The following IPO7 variants were observed in gnomAD, a reference collection of about 807,000 sequenced individuals.
IPO7 encodes the protein importin-7.
Under a neutral mutation model 136.4 loss-of-function variants are expected in IPO7, and 13 were observed. The ratio of observed to expected loss-of-function variants is 0.10; its 90% CI spans 0.06 to 0.15. The LOEUF (loss-of-function observed/expected upper bound fraction) is 0.15, where lower values mean the gene tolerates loss of function less well. Ranked by LOEUF, IPO7 falls within the 10% of genes least tolerant of loss-of-function variation. The pLI, the probability that IPO7 is intolerant of heterozygous loss-of-function variation, is 1.00. For missense variants in IPO7, 857 were observed against 1,240.6 expected, an observed-to-expected ratio of 0.69 and a Z score of 4.65; for synonymous variants, 403 against 404.4, an observed-to-expected ratio of 1.00 and a Z score of 0.04.
At chr11:9,412,877 TTTGA>T (rs1241566975) in intron 4 of IPO7, among the ~76,000 whole-genome samples, 3 of 151,156 alleles carry the variant, frequency 2.0e-5, no homozygotes, top group Non-Finnish European at 4.4e-5. Context: ...TACAAATTTG[TTTGA>T]TTGATTGATT....
Position 9,403,564 on chromosome 11 carries a change from T to C in IPO7, c.166+193T>C, listed in dbSNP as rs931874933. On this transcript the variant is annotated intron_variant, in intron 2 of 24. Coordinates refer to ENST00000379719, the MANE Select transcript of IPO7 (RefSeq NM_006391.3). ...GAGTTTAAAGGAATAATTTGACATTTAGTTGAATTAAAATAGAAGCTTCAA... is the reference window on the plus strand; with the variant it reads ...GAGTTTAAAGGAATAATTTGACATTCAGTTGAATTAAAATAGAAGCTTCAA... 3 of 516,724 alleles carry C rather than the reference T, an allele frequency of 5.8e-6. No individual in the cohort carries two copies. In the African/African-American group the frequency reaches 5.9e-5, roughly 10 times the overall value. The allele number at this position is 516,724 out of a possible 1,614,324, so 32.0% of individuals were successfully genotyped here. A position where few individuals can be genotyped will look rare whatever the true frequency, so the allele number is the denominator to read the frequency against.
At chr11:9,428,126 A>G (rs1165044119) in intron 12 of IPO7, among the ~76,000 whole-genome samples, 1 of 152,190 alleles carries the variant, frequency 6.6e-6, no homozygotes, top group Non-Finnish European at 1.5e-5. Context: ...TCTCAAAAAA[A>G]AAGAAAAAAA....
chr11:9,417,059 T>C lies in IPO7; in HGVS notation c.637T>C (p.Tyr213His). 1 of 1,422,074 alleles carries C rather than the reference T, an allele frequency of 7.0e-7. No homozygotes were observed. The highest frequency in any genetic ancestry group is 9.9e-7 in the Non-Finnish European group (1 of 1,014,746). The allele number at this position is 1,422,074 out of a possible 1,614,324, so 88.1% of individuals were successfully genotyped here. A position where few individuals can be genotyped will look rare whatever the true frequency, so the allele number is the denominator to read the frequency against. Residue 213 changes from tyrosine (Y) to histidine (H), a missense_variant and splice_region_variant, in exon 6 of 25, where the codon TAT (tyrosine) becomes CAT (histidine). Coordinates refer to ENST00000379719, the MANE Select transcript of IPO7 (RefSeq NM_006391.3). ...IFKIFYALVQ[Y>H]TLPLELINQQ... Reference sequence around the variant, plus strand: ...ATATTAATTCTTGACTTTTATTTAGTATACACTACCACTGGAACTGATAAA... The same window carrying C: ...ATATTAATTCTTGACTTTTATTTAGCATACACTACCACTGGAACTGATAAA...
intron 22 of IPO7, among the ~76,000 whole-genome samples, chr11:9,438,566 AG>A (rs1285591815): frequency 2.0e-5 from 3 of 152,122 alleles, no homozygotes; most frequent in Admixed American, 1.3e-4. Flanking sequence ...CGGAGGTTGC[AG>A]TGAGCCAAGA....
At chr11:9,400,579 C>T (rs1178762694) in intron 1 of IPO7, among the ~76,000 whole-genome samples, 1 of 152,068 alleles carries the variant, frequency 6.6e-6, no homozygotes, top group Non-Finnish European at 1.5e-5. Context: ...CCTGCCACCT[C>T]ACCTGGCTAA....
intron 1 of IPO7, among the ~76,000 whole-genome samples, chr11:9,398,166 A>G (rs113132536): frequency 6.6e-6 from 1 of 152,212 alleles, no homozygotes; most frequent in Non-Finnish European, 1.5e-5. Flanking sequence ...AGGCAATCAC[A>G]TCTTCCAAGG....
chr11:9,436,430 T>C (rs1855369526), intron 20 of IPO7, 64 bp downstream of exon 20: 1 of 1,167,696 alleles, frequency 8.6e-7, no homozygotes, highest in Admixed American at 2.2e-5. Context: ...CTTTCTTTCT[T>C]CATTTTTTGG....
At chr11:9,442,763 C>T (rs1855476450) in intron 24 of IPO7, among the ~76,000 whole-genome samples, 2 of 151,838 alleles carry the variant, frequency 1.3e-5, no homozygotes, top group Admixed American at 1.3e-4. Context: ...TGGCTCATGC[C>T]TGTAATTCCA....
intron 1 of IPO7, among the ~76,000 whole-genome samples, chr11:9,400,154 A>C (rs562628209): frequency 6.6e-6 from 1 of 152,304 alleles, no homozygotes; most frequent in Admixed American, 6.5e-5. Flanking sequence ...TACTTATATT[A>C]AGTACTGTTT....
chr11:9,428,914 A>G (rs763969542), intron 13 of IPO7, 117 bp from the exon 14 acceptor site: 2 of 896,594 alleles, frequency 2.2e-6, no homozygotes, highest in South Asian at 2.6e-5. Flanking sequence ...TTGTCTCTGG[A>G]CACATCTACC....
chr11:9,405,670 T>C (rs1854871960), intron 2 of IPO7, among the ~76,000 whole-genome samples: 1 of 151,422 alleles, frequency 6.6e-6, no homozygotes. Flanking sequence ...TGATCTGCCT[T>C]CCTGGGCCTT....
At position 9,423,001 on chromosome 11, in the gene IPO7, C is replaced by T. The variant is rs1044537428; in HGVS notation, c.907-5C>T. On this transcript the variant is annotated splice_region_variant and splice_polypyrimidine_tract_variant and intron_variant, in intron 8 of 24. Transcript: ENST00000379719. The stretch of plus-strand genomic sequence containing the variant: ...TTGATTTGTGATCGAAAATTTTTTT[C>T]CAAGGTTTTATTGAAGGTGTTATAT... The T allele has an allele frequency of 1.3e-6, 2 of 1,509,780 alleles. No homozygotes were observed. Among genetic ancestry groups the T allele is most frequent in the Non-Finnish European group, 8.9e-7 (1 of 1,125,416 alleles). 93.5% of individuals were successfully genotyped at this position (1,509,780 alleles called of 1,614,324 possible).
At chr11:9,427,623 G>C (rs1011401221) in intron 12 of IPO7, among the ~76,000 whole-genome samples, 2 of 152,168 alleles carry the variant, frequency 1.3e-5, no homozygotes, top group African/African-American at 4.8e-5. Context: ...ATGTATTAAA[G>C]ACATTCTAAT....
At chr11:9,402,517 T>C (rs1854814892) in intron 1 of IPO7, among the ~76,000 whole-genome samples, 1 of 148,632 alleles carries the variant, frequency 6.7e-6, no homozygotes, top group Non-Finnish European at 1.5e-5. Flanking sequence ...AGGTCAGGAG[T>C]TCGAGACCAG....
intron 1 of IPO7, chr11:9,392,275 T>G: frequency 3.0e-6 from 1 of 328,740 alleles, no homozygotes; most frequent in Non-Finnish European, 6.0e-6. Context: ...CCTCCCGGAT[T>G]CGGGCAATTC....
intron 1 of IPO7, among the ~76,000 whole-genome samples, chr11:9,393,416 GT>G (rs1384585575): frequency 6.6e-6 from 1 of 152,110 alleles, no homozygotes; most frequent in African/African-American, 2.4e-5. Flanking sequence ...GAGTCTCACT[GT>G]TGCCCAGGCT....
At chr11:9,421,936 T>G (rs1855137827) in intron 8 of IPO7, among the ~76,000 whole-genome samples, 1 of 150,664 alleles carries the variant, frequency 6.6e-6, no homozygotes, top group South Asian at 2.1e-4. Flanking sequence ...AGAGCAAGAC[T>G]CCGTCTCAAA....
intron 6 of IPO7, among the ~76,000 whole-genome samples, chr11:9,419,000 A>G (rs1047672520): frequency 1.3e-5 from 2 of 152,144 alleles, no homozygotes; most frequent in African/African-American, 2.4e-5. Flanking sequence ...CAATTTATGT[A>G]TGTTGATGGA....
At chr11:9,418,930 G>A (rs1239572596) in intron 6 of IPO7, among the ~76,000 whole-genome samples, 2 of 152,106 alleles carry the variant, frequency 1.3e-5, no homozygotes, top group Non-Finnish European at 2.9e-5. Flanking sequence ...CTTTCATGTT[G>A]TATAGTGGTA....
Sources: allele counts gnomAD v4.1 joint callset (sites outside exome capture counted in the v4.1 genomes callset), GRCh38; gene constraint gnomAD v4.1.1; transcripts MANE v1.5; gene names NCBI Gene and HGNC (gene_info 2026-07-23, HGNC 2026-07-21).